Variants in NBEA observed in about 807,000 individuals in gnomAD.
The protein encoded by NBEA is lysosomal-trafficking regulator 2.
Under a neutral mutation model 343.4 loss-of-function variants are expected in NBEA, and 44 were observed. That is an observed-to-expected ratio of 0.13 (90% CI 0.10 to 0.16). NBEA has a LOEUF of 0.16. NBEA is among the 10% of genes least tolerant of loss of function. NBEA has a pLI of 1.00. For synonymous variants in NBEA, 1,175 were observed against 1,238.7 expected (o/e 0.95, Z 1.08); for missense variants, 2,555 against 3,631.3 (o/e 0.70, Z 7.62).
chr13:35,456,176 C>G (rs7329838), intron 40 of NBEA, among the ~76,000 whole-genome samples: 2 of 151,718 alleles, frequency 1.3e-5, no homozygotes, highest in Non-Finnish European at 2.9e-5. Flanking sequence ...TCCATTTTGT[C>G]TGGAGTTTTC....
At chr13:35,318,166 C>T (rs534352768) in intron 36 of NBEA, among the ~76,000 whole-genome samples, 9 of 152,230 alleles carry the variant, frequency 5.9e-5, no homozygotes, top group Admixed American at 1.3e-4. Context: ...AGAGGGCATC[C>T]TTGTCTTGTG....
intron 41 of NBEA, among the ~76,000 whole-genome samples, chr13:35,549,115 A>G (rs970314820): frequency 5.9e-5 from 9 of 152,198 alleles, no homozygotes; most frequent in Admixed American, 6.5e-5. Flanking sequence ...AATGGCTCCA[A>G]AATGTTTCAG....
chr13:35,012,712 T>C (rs770946715), intron 1 of NBEA, among the ~76,000 whole-genome samples: 3 of 152,224 alleles, frequency 2.0e-5, no homozygotes, highest in Admixed American at 6.5e-5. Flanking sequence ...CATTTGAAAA[T>C]AAAACAATGG....
chr13:35,286,626 T>C (rs2035442361), intron 34 of NBEA, among the ~76,000 whole-genome samples: 1 of 152,180 alleles, frequency 6.6e-6, no homozygotes, highest in South Asian at 2.1e-4. Context: ...CAAAAGAGTC[T>C]GACAGTTCTT....
intron 49 of NBEA, among the ~76,000 whole-genome samples, chr13:35,629,713 T>C (rs2083374472): frequency 6.6e-6 from 1 of 152,218 alleles, no homozygotes; most frequent in East Asian, 1.9e-4. Context: ...CCCAGTTGTG[T>C]ATAAATTGTA....
intron 41 of NBEA, among the ~76,000 whole-genome samples, chr13:35,529,500 A>G (rs977842960): frequency 5.9e-5 from 9 of 152,240 alleles, no homozygotes; most frequent in Admixed American, 5.2e-4. Context: ...AAAGTGTAGT[A>G]GAAAGTACAT....
rs2075896522 is a variant in NBEA at position 35,476,878 on chromosome 13, A to G, written c.6585+4342A>G. ...CGGCGGAAAACCACTCAGGCCACCTAGACAGTTTGGAAATCAAGAGGAATC... is the reference window on the plus strand; with the variant it reads ...CGGCGGAAAACCACTCAGGCCACCTGGACAGTTTGGAAATCAAGAGGAATC... On this transcript the variant is annotated intron_variant, in intron 41 of 58. Transcript: ENST00000379939. 2.1e-5 allele frequency: 19 copies of G among 894,808 alleles called. No individual in the cohort carries two copies. Among genetic ancestry groups the G allele is most frequent in the Non-Finnish European group, 2.6e-5 (19 of 731,922 alleles). The allele number at this position is 894,808 out of a possible 1,614,324, so 55.4% of individuals were successfully genotyped here.
intron 36 of NBEA, among the ~76,000 whole-genome samples, chr13:35,321,438 A>C (rs2152840719): frequency 6.6e-6 from 1 of 152,230 alleles, no homozygotes; most frequent in South Asian, 2.1e-4. Context: ...AGAACAGCAA[A>C]GATTACTGCC....
chr13:35,196,542 A>G (rs1258144218), intron 31 of NBEA, among the ~76,000 whole-genome samples: 1 of 152,086 alleles, frequency 6.6e-6, no homozygotes, highest in East Asian at 1.9e-4. Context: ...GGAAACATGG[A>G]TTATGGTTAT....
intron 39 of NBEA, among the ~76,000 whole-genome samples, chr13:35,448,771 G>A (rs2152942934): frequency 6.7e-6 from 1 of 148,344 alleles, no homozygotes; most frequent in East Asian, 2.0e-4. Flanking sequence ...ATGGGGTGGT[G>A]GGGTGAACTT....
chr13:34,995,247 G>GGA (rs2060898524), intron 1 of NBEA, among the ~76,000 whole-genome samples: 1 of 152,114 alleles, frequency 6.6e-6, no homozygotes, highest in Non-Finnish European at 1.5e-5. Context: ...GAGGTCAGGA[G>GGA]TTTGAGACCA....
chr13:35,308,562 A>G (rs1671847804), intron 35 of NBEA, among the ~76,000 whole-genome samples: 1 of 107,506 alleles, frequency 9.3e-6, no homozygotes, highest in Non-Finnish European at 1.8e-5. Context: ...ATATATGTAT[A>G]TATGTATATA....
At chr13:35,064,485 C>T (rs76937938) in intron 8 of NBEA, among the ~76,000 whole-genome samples, 2,618 of 151,986 alleles carry the variant, frequency 0.017, 104 homozygotes, top group East Asian at 0.15. Flanking sequence ...ATCAATAATG[C>T]CCAATTGTTA....
At chr13:35,259,148 C>T (rs1364663753) in intron 34 of NBEA, among the ~76,000 whole-genome samples, 1 of 152,118 alleles carries the variant, frequency 6.6e-6, no homozygotes, top group African/African-American at 2.4e-5. Context: ...TTAGTTTTCT[C>T]CATTTTGTTT....
intron 36 of NBEA, among the ~76,000 whole-genome samples, chr13:35,316,692 C>T (rs908104431): frequency 6.6e-6 from 1 of 152,154 alleles, no homozygotes; most frequent in African/African-American, 2.4e-5. Context: ...ACACTGTCTT[C>T]CACAGTGGTC....
chr13:35,344,612 TGA>T (rs746771203), intron 36 of NBEA, among the ~76,000 whole-genome samples: 16 of 151,658 alleles, frequency 1.1e-4, no homozygotes, highest in Middle Eastern at 6.8e-3. Context: ...GAAAAGAAAA[TGA>T]GAGTGCTATC....
intron 21 of NBEA, 97 bp from the exon 22 acceptor site, chr13:35,158,919 A>G (rs2069367777): frequency 2.6e-6 from 3 of 1,133,532 alleles, no homozygotes; most frequent in East Asian, 5.3e-5. Context: ...ACTTTCTGGC[A>G]TTATTTTTTC....
At chr13:35,245,151 C>A (rs1342577284) in intron 34 of NBEA, among the ~76,000 whole-genome samples, 2 of 152,044 alleles carry the variant, frequency 1.3e-5, no homozygotes, top group Non-Finnish European at 2.9e-5. Context: ...CATGGAATGT[C>A]CTTTTCCACC....
At chr13:34,977,463 T>C (rs1477120111) in intron 1 of NBEA, among the ~76,000 whole-genome samples, 4 of 151,864 alleles carry the variant, frequency 2.6e-5, no homozygotes, top group Non-Finnish European at 4.4e-5. Flanking sequence ...CATGTGCCAC[T>C]GCACCCAGCT....
Sources: gnomAD v4.1 joint callset for allele counts (sites outside exome capture counted in the v4.1 genomes callset) on GRCh38, gnomAD v4.1.1 for gene constraint, MANE v1.5 for transcripts, NCBI Gene and HGNC (gene_info 2026-07-23, HGNC 2026-07-21) for gene names.